The following PBX1 variants were observed in gnomAD, a reference collection of about 807,000 sequenced individuals.
The protein encoded by PBX1 is PBX homeobox 1, also known as pre-B-cell leukemia transcription factor 1.
A neutral mutation model predicts 53.4 loss-of-function variants in PBX1; 6 were observed. The observed-to-expected ratio is 0.11, with a 90% CI of 0.06 to 0.22. The LOEUF (loss-of-function observed/expected upper bound fraction) is 0.22, where lower values mean the gene tolerates loss of function less well. Ranked by LOEUF, PBX1 falls within the 10% of genes least tolerant of loss-of-function variation. The probability of loss-of-function intolerance (pLI) is 1.00; values close to 1 mark genes in which losing one functional copy is unlikely to be tolerated. For missense variants in PBX1, 251 were observed against 551.4 expected (o/e 0.46, Z 5.46); for synonymous variants, 204 against 212.3 (o/e 0.96, Z 0.34).
At chr1:164,828,516 C>G (rs1201491961) in intron 8 of PBX1, 1 of 152,152 alleles carries the variant, frequency 6.6e-6, no homozygotes, top group Non-Finnish European at 1.5e-5. Context: ...ATGCTATGTT[C>G]CTTTCATTGC....
intron 2 of PBX1, among the ~76,000 whole-genome samples, chr1:164,867,162 G>A (rs890288035): frequency 6.6e-6 from 1 of 152,108 alleles, no homozygotes; most frequent in Admixed American, 6.5e-5. Context: ...GAACTGGGAG[G>A]TCTTGAGCAA....
intron 2 of PBX1, among the ~76,000 whole-genome samples, chr1:164,651,374 C>T (rs1659804994): frequency 6.6e-6 from 1 of 151,976 alleles, no homozygotes; most frequent in African/African-American, 2.4e-5. Context: ...CTTAGGCTGT[C>T]ACTGCTGACA....
At chr1:164,854,612 G>A (rs1007094118), downstream of PBX1, among the ~76,000 whole-genome samples, 2 of 152,084 alleles carry the variant, frequency 1.3e-5, no homozygotes, top group Non-Finnish European at 2.9e-5. Context: ...TGACCACCGA[G>A]GCCAGTGTGA....
intron 2 of PBX1, among the ~76,000 whole-genome samples, chr1:164,649,456 C>T (rs1659657905): frequency 6.6e-6 from 1 of 152,156 alleles, no homozygotes; most frequent in Non-Finnish European, 1.5e-5. Flanking sequence ...TTTGACAAAA[C>T]TGTCATCCTC....
chr1:164,587,401 A>G (rs906830180), intron 2 of PBX1, among the ~76,000 whole-genome samples: 6 of 152,152 alleles, frequency 3.9e-5, no homozygotes, highest in African/African-American at 1.4e-4. Flanking sequence ...GGGGTTAGAT[A>G]TGAATGATTA....
At position 164,656,396 on chromosome 1, in the gene PBX1, T is replaced by C. The variant is rs553687643; in HGVS notation, c.265+93085T>C. Among the ~76,000 whole-genome samples, 27 of 152,308 alleles carry C rather than the reference T, an allele frequency of 1.8e-4. No individual in the cohort carries two copies. In the East Asian group the frequency reaches 4.2e-3, roughly 24 times the overall value. ...ATCTCATAGAAATTTTTTGTCTTAA[T>C]TTGTTTGCCTGTACAATCTGCATTC... On this transcript the variant is annotated intron_variant, in intron 2 of 8. Transcript: ENST00000420696.
intron 2 of PBX1, among the ~76,000 whole-genome samples, chr1:164,601,095 C>T (rs942053223): frequency 2.0e-5 from 3 of 151,646 alleles, no homozygotes; most frequent in Non-Finnish European, 4.4e-5. Context: ...AAAAATTAGC[C>T]GGGCGTGGCG....
intron 2 of PBX1, among the ~76,000 whole-genome samples, chr1:164,570,468 C>G (rs999160524): frequency 2.6e-5 from 4 of 152,082 alleles, no homozygotes; most frequent in Non-Finnish European, 4.4e-5. Context: ...GTTTGATTTT[C>G]TGTTCCTGTG....
At chr1:164,750,049 A>G (rs753916784) in intron 2 of PBX1, among the ~76,000 whole-genome samples, 6 of 151,836 alleles carry the variant, frequency 4.0e-5, no homozygotes, top group Non-Finnish European at 7.4e-5. Context: ...GTAGTGAGCT[A>G]TGATTATACT....
At chr1:164,762,380 T>C (rs1666856655) in intron 2 of PBX1, among the ~76,000 whole-genome samples, 1 of 152,208 alleles carries the variant, frequency 6.6e-6, no homozygotes, top group Non-Finnish European at 1.5e-5. Context: ...AGCATCTCAC[T>C]TGTTTTTCCT....
chr1:164,668,927 C>T (rs1395650083), intron 2 of PBX1, among the ~76,000 whole-genome samples: 1 of 152,126 alleles, frequency 6.6e-6, no homozygotes, highest in Non-Finnish European at 1.5e-5. Context: ...CTGGCAGAAT[C>T]CGTTTAGATT....
chr1:164,884,485 C>A (rs984812304), intron 2 of PBX1: 7 of 467,796 alleles, frequency 1.5e-5, no homozygotes, highest in Admixed American at 1.3e-4. Context: ...GATGAAAGAT[C>A]TGTGGATAGG....
At chr1:164,631,116 G>A (rs1163906144) in intron 2 of PBX1, 1 of 152,148 alleles carries the variant, frequency 6.6e-6, no homozygotes, top group African/African-American at 2.4e-5. Context: ...TTTTCTTGCA[G>A]GTTAGTGCAC....
intron 2 of PBX1, among the ~76,000 whole-genome samples, chr1:164,755,925 G>A (rs1384778562): frequency 2.0e-5 from 3 of 150,006 alleles, no homozygotes; most frequent in Non-Finnish European, 4.4e-5. Context: ...GGGTGCCAGG[G>A]TTTTAAGAAG....
chr1:164,596,961 A>G (rs1655803686), intron 2 of PBX1, among the ~76,000 whole-genome samples: 1 of 152,094 alleles, frequency 6.6e-6, no homozygotes, highest in Non-Finnish European at 1.5e-5. Context: ...TAAGTGGTAC[A>G]GCGTGGATAT....
chr1:164,758,633 C>G (rs958257802), intron 2 of PBX1, among the ~76,000 whole-genome samples: 1 of 152,090 alleles, frequency 6.6e-6, no homozygotes, highest in Non-Finnish European at 1.5e-5. Flanking sequence ...CAGCCAAGGG[C>G]AAGACAAGAC....
At chr1:164,606,187 A>G (rs1429276931) in intron 2 of PBX1, among the ~76,000 whole-genome samples, 1 of 152,256 alleles carries the variant, frequency 6.6e-6, no homozygotes, top group Non-Finnish European at 1.5e-5. Flanking sequence ...CAGTCTCTCC[A>G]ATAAATGCAT....
chr1:164,708,953 G>A (rs1160287747), intron 2 of PBX1, among the ~76,000 whole-genome samples: 2 of 152,192 alleles, frequency 1.3e-5, no homozygotes, highest in African/African-American at 4.8e-5. Context: ...AGGTACCATG[G>A]TAGGTGCTGG....
At chr1:164,819,897 C>G (rs1483187752) in intron 6 of PBX1, 175 bp from the exon 7 acceptor site, 1 of 573,796 alleles carries the variant, frequency 1.7e-6, no homozygotes, top group Non-Finnish European at 3.1e-6. Flanking sequence ...AATATGCACC[C>G]TTTATTGCTT....
Sources: gnomAD v4.1 joint callset for allele counts (sites outside exome capture counted in the v4.1 genomes callset) on GRCh38, gnomAD v4.1.1 for gene constraint, MANE v1.5 for transcripts, NCBI Gene and HGNC (gene_info 2026-07-23, HGNC 2026-07-21) for gene names.